The following CDH12 variants were observed in gnomAD, a reference collection of about 807,000 sequenced individuals.
CDH12 encodes the protein cadherin 12.
In CDH12, 41 loss-of-function variants were observed where a neutral mutation model predicts 74.1. The observed-to-expected ratio is 0.55, with a 90% CI of 0.43 to 0.72. The LOEUF is 0.72. CDH12 is among the 30% of genes least tolerant of loss of function. The pLI is 0.00. For synonymous variants in CDH12, 399 were observed against 355.0 expected (o/e 1.12, Z -1.39); for missense variants, 945 against 977.2 (o/e 0.97, Z 0.44).
intron 1 of CDH12, among the ~76,000 whole-genome samples, chr5:22,549,849 C>A (rs1235784461): frequency 6.6e-6 from 1 of 152,158 alleles, no homozygotes; most frequent in East Asian, 1.9e-4. Context: ...TTCCCAATTA[C>A]CTTCAACTAT....
At chr5:22,035,455 A>T (rs1739106093) in intron 5 of CDH12, among the ~76,000 whole-genome samples, 1 of 152,070 alleles carries the variant, frequency 6.6e-6, no homozygotes, top group African/African-American at 2.4e-5. Context: ...AGCAGTAGAG[A>T]ACAGAAAGTA....
intron 10 of CDH12, among the ~76,000 whole-genome samples, chr5:21,788,461 G>C (rs1265243595): frequency 6.6e-6 from 1 of 152,084 alleles, no homozygotes; most frequent in Non-Finnish European, 1.5e-5. Flanking sequence ...AAAAAAATGA[G>C]TGATTTAGGT....
In CDH12 at chr5:22,296,350, C is replaced by A. The variant is rs1048663743; in HGVS notation, c.-332-83707G>T. On this transcript the variant is annotated intron_variant, in intron 3 of 14. Coordinates refer to ENST00000382254, the MANE Select transcript of CDH12 (RefSeq NM_004061.5). ...CCTATTCCAAAACGTATTCCTCGAA[C>A]TATATCTACTAATTATATGCTAATA... 1.8e-4 allele frequency among the ~76,000 whole-genome samples: 27 copies of A among 151,988 alleles called. 1 individual carries two copies. The highest frequency in any genetic ancestry group is 1.8e-3 in the Admixed American group (27 of 15,268).
chr5:22,518,188 GTGTT>G (rs1293478736), intron 1 of CDH12, among the ~76,000 whole-genome samples: 4 of 152,168 alleles, frequency 2.6e-5, no homozygotes, highest in Non-Finnish European at 5.9e-5. Flanking sequence ...AGGAATTAAT[GTGTT>G]TGTTTCTTAC....
At chr5:22,351,135 A>C (rs1740340163) in intron 3 of CDH12, among the ~76,000 whole-genome samples, 1 of 152,194 alleles carries the variant, frequency 6.6e-6, no homozygotes, top group African/African-American at 2.4e-5. Context: ...AAAACCGTGC[A>C]TATTATTGAG....
chr5:21,844,493 C>T (rs994689989), intron 7 of CDH12, among the ~76,000 whole-genome samples: 4 of 152,138 alleles, frequency 2.6e-5, no homozygotes, highest in Non-Finnish European at 5.9e-5. Flanking sequence ...TTTCCTCTGT[C>T]TAAGTTCTAC....
intron 3 of CDH12, among the ~76,000 whole-genome samples, chr5:22,244,798 A>AAGAAAG (rs1752888353): frequency 1.7e-5 from 1 of 59,696 alleles, no homozygotes; most frequent in African/African-American, 3.7e-5. Context: ...GAAAGAAAGA[A>AAGAAAG]AGAAAAATTC....
intron 3 of CDH12, among the ~76,000 whole-genome samples, chr5:22,378,666 A>C (rs995254935): frequency 2.0e-5 from 3 of 152,094 alleles, no homozygotes; most frequent in Admixed American, 2.0e-4. Context: ...AATTCTATTG[A>C]GTTGTGTCTC....
At chr5:22,154,131 G>A (rs1375148093) in intron 4 of CDH12, among the ~76,000 whole-genome samples, 1 of 149,770 alleles carries the variant, frequency 6.7e-6, no homozygotes, top group Non-Finnish European at 1.5e-5. Flanking sequence ...ATATATTTAT[G>A]TATGCTGTAC....
At chr5:22,180,535 C>T (rs533302811) in intron 4 of CDH12, among the ~76,000 whole-genome samples, 13 of 150,652 alleles carry the variant, frequency 8.6e-5, no homozygotes, top group South Asian at 4.2e-4. Flanking sequence ...TTTTTTGAGA[C>T]GGAGTTTCAC....
chr5:22,432,022 C>A (rs183050590), intron 2 of CDH12, among the ~76,000 whole-genome samples: 2 of 152,022 alleles, frequency 1.3e-5, no homozygotes, highest in Non-Finnish European at 2.9e-5. Flanking sequence ...ATTCACTCAC[C>A]CTAGGCGTTC....
At chr5:21,768,770 C>T (rs1745162728) in intron 11 of CDH12, among the ~76,000 whole-genome samples, 1 of 151,966 alleles carries the variant, frequency 6.6e-6, no homozygotes, top group African/African-American at 2.4e-5. Context: ...GAGGAGGAAG[C>T]ACTTACCGCT....
chr5:22,050,368 T>G (rs1172391847), intron 5 of CDH12, among the ~76,000 whole-genome samples: 1 of 152,112 alleles, frequency 6.6e-6, no homozygotes, highest in Non-Finnish European at 1.5e-5. Flanking sequence ...TTTTGTATCA[T>G]GCATATATAA....
intron 4 of CDH12, among the ~76,000 whole-genome samples, chr5:22,090,372 A>C (rs755348561): frequency 2.8e-4 from 42 of 151,838 alleles, no homozygotes; most frequent in Non-Finnish European, 5.0e-4. Flanking sequence ...ACACATAAAG[A>C]GATCAAATTA....
At chr5:22,548,651 C>A (rs1190691054) in intron 1 of CDH12, among the ~76,000 whole-genome samples, 2 of 152,052 alleles carry the variant, frequency 1.3e-5, no homozygotes. Context: ...ATCGGTGCCT[C>A]TTGTGTGTAT....
At position 21,786,256 on chromosome 5, in the gene CDH12, C is replaced by T. The variant is rs560240351; in HGVS notation, c.1257-2762G>A. On this transcript the variant is annotated intron_variant, in intron 10 of 14. Transcript: ENST00000382254. ...GCAACCTCTGCCTCCCAGGTTCAAGCGATTCTCCTGCCTCAGCCTCCTCAG... is the reference window on the plus strand; with the variant it reads ...GCAACCTCTGCCTCCCAGGTTCAAGTGATTCTCCTGCCTCAGCCTCCTCAG... 2.9e-4 allele frequency among the ~76,000 whole-genome samples: 44 copies of T among 152,248 alleles called. No individual in the cohort carries two copies. In the East Asian group the frequency reaches 5.0e-3, roughly 17 times the overall value.
chr5:22,020,794 T>C (rs1737924723), intron 5 of CDH12, among the ~76,000 whole-genome samples: 1 of 152,116 alleles, frequency 6.6e-6, no homozygotes, highest in South Asian at 2.1e-4. Flanking sequence ...CTAAAGACCT[T>C]ATCTCCAAAT....
intron 1 of CDH12, among the ~76,000 whole-genome samples, chr5:22,739,762 T>TAA (rs1560995951): frequency 2.6e-5 from 4 of 152,076 alleles, no homozygotes; most frequent in Admixed American, 6.6e-5. Context: ...CAGCTGCTTT[T>TAA]CAACCCTCTG....
chr5:22,019,129 T>C (rs940826849), intron 5 of CDH12, among the ~76,000 whole-genome samples: 3 of 152,154 alleles, frequency 2.0e-5, no homozygotes, highest in African/African-American at 7.2e-5. Flanking sequence ...GATTTCTATC[T>C]ATCTAACATC....
Sources: gnomAD v4.1 joint callset for allele counts (sites outside exome capture counted in the v4.1 genomes callset) on GRCh38, gnomAD v4.1.1 for gene constraint, MANE v1.5 for transcripts, NCBI Gene and HGNC (gene_info 2026-07-23, HGNC 2026-07-21) for gene names.